Variants in U2AF2 observed in about 807,000 individuals in gnomAD.
U2AF2 encodes the protein U2 small nuclear RNA auxiliary factor 2, also known as splicing factor U2AF 65 kDa subunit.
U2AF2 carries 6 observed loss-of-function variants against 52.6 expected under a neutral mutation model. The observed-to-expected ratio is 0.11, with a 90% CI of 0.06 to 0.23. The LOEUF (loss-of-function observed/expected upper bound fraction) is 0.23. Among genes scored for constraint, U2AF2 ranks in the 10% least tolerant of loss-of-function variants. The probability of loss-of-function intolerance (pLI) is 1.00; values close to 1 mark genes in which losing one functional copy is unlikely to be tolerated. For missense variants in U2AF2, 222 were observed against 677.1 expected, an observed-to-expected ratio of 0.33 and a Z score of 7.46; for synonymous variants, 284 against 258.2, an observed-to-expected ratio of 1.10 and a Z score of -0.96.
intron 2 of U2AF2, among the ~76,000 whole-genome samples, chr19:55,659,901 T>G (rs1423231740): frequency 1.3e-5 from 2 of 152,158 alleles, no homozygotes; most frequent in African/African-American, 2.4e-5. Flanking sequence ...AAGGGCAGGA[T>G]AGGCGGAAGT....
At chr19:55,672,347 T>C (rs1984975211) in intron 11 of U2AF2, among the ~76,000 whole-genome samples, 1 of 152,202 alleles carries the variant, frequency 6.6e-6, no homozygotes, top group African/African-American at 2.4e-5. Flanking sequence ...CCCTCCTTTT[T>C]CTTTGCTGGA....
At chr19:55,673,829 C>T (rs541729855) in intron 11 of U2AF2, 105 bp from the exon 12 acceptor site, 3 of 1,480,888 alleles carry the variant, frequency 2.0e-6, no homozygotes, top group African/African-American at 1.4e-5. Context: ...TGGCGAAGCC[C>T]CCTCCTCCCT....
intron 11 of U2AF2, among the ~76,000 whole-genome samples, 187 bp downstream of exon 11, chr19:55,669,879 C>T (rs918363889): frequency 6.6e-6 from 1 of 152,160 alleles, no homozygotes; most frequent in African/African-American, 2.4e-5. Context: ...GCCCTCAGGC[C>T]GGGCCATGGG....
chr19:55,659,367 C>G, intron 2 of U2AF2, 22 bp downstream of exon 2: 1 of 1,462,604 alleles, frequency 6.8e-7, no homozygotes, highest in Non-Finnish European at 9.1e-7. Context: ...CAGGGATCCC[C>G]TGGGCCAGCC....
At chr19:55,661,582 C>T (rs1047609769) in intron 5 of U2AF2, among the ~76,000 whole-genome samples, 5 of 151,564 alleles carry the variant, frequency 3.3e-5, no homozygotes, top group South Asian at 2.1e-4. Flanking sequence ...ACACGCCTCT[C>T]GTTCTCTGCC....
intron 1 of U2AF2, among the ~76,000 whole-genome samples, chr19:55,656,332 C>T (rs1983793296): frequency 6.6e-6 from 1 of 152,154 alleles, no homozygotes; most frequent in Non-Finnish European, 1.5e-5. Flanking sequence ...TGGGTAGGGG[C>T]TGTATTAGGA....
At chr19:55,660,131 G>A in intron 2 of U2AF2, 46 bp from the exon 3 acceptor site, 1 of 1,577,424 alleles carries the variant, frequency 6.3e-7, no homozygotes, top group Non-Finnish European at 8.7e-7. Context: ...GGGAAGACGA[G>A]GGTCCCCAGT....
intron 6 of U2AF2, 152 bp from the exon 7 acceptor site, chr19:55,663,454 T>G: frequency 8.6e-7 from 1 of 1,162,964 alleles, no homozygotes; most frequent in Non-Finnish European, 1.2e-6. Flanking sequence ...GGGACATGCG[T>G]GTCTGTTGTA....
intron 9 of U2AF2, 63 bp from the exon 10 acceptor site, chr19:55,669,020 G>C (rs961300822): frequency 1.3e-6 from 2 of 1,570,292 alleles, no homozygotes; most frequent in South Asian, 1.1e-5. Flanking sequence ...GGTAGGTGTC[G>C]GGCTCCTGGT....
chr19:55,673,793 T>C, intron 11 of U2AF2, 141 bp from the exon 12 acceptor site: 1 of 1,195,738 alleles, frequency 8.4e-7, no homozygotes, highest in Non-Finnish European at 1.2e-6. Flanking sequence ...CAAACCTGCT[T>C]ACTAAGGGTC....
chr19:55,668,268 T>C lies in U2AF2; in HGVS notation c.743-239T>C, dbSNP rs1468968794. Reference sequence around the variant, plus strand: ...AGGATGTTCTAGTTTGAGGTTCCCCTGAGGCTGGGCAGATTTGGGAGACAT... The same window carrying C: ...AGGATGTTCTAGTTTGAGGTTCCCCCGAGGCTGGGCAGATTTGGGAGACAT... On this transcript the variant is annotated intron_variant, in intron 7 of 11. Coordinates refer to ENST00000308924, the MANE Select transcript of U2AF2 (RefSeq NM_007279.3). This position sits in a 1 kb window ranked among gnomAD's most constrained non-coding sequence, Gnocchi z 5.5. Among the ~76,000 whole-genome samples, 1 of 152,118 alleles carries C rather than the reference T, an allele frequency of 6.6e-6. No homozygotes were observed. The highest frequency in any genetic ancestry group is 1.5e-5 in the Non-Finnish European group (1 of 68,004).
chr19:55,663,467 C>T (rs1984348666), intron 6 of U2AF2, 139 bp from the exon 7 acceptor site: 2 of 1,340,250 alleles, frequency 1.5e-6, no homozygotes, highest in African/African-American at 1.5e-5. Context: ...CTGTTGTACT[C>T]CCAGTGCCCA....
chr19:55,670,521 C>T, intron 11 of U2AF2: 1 of 355,572 alleles, frequency 2.8e-6, no homozygotes, highest in Non-Finnish European at 5.7e-6. Flanking sequence ...CTGTCCCGTG[C>T]ACCCTGCTGT....
chr19:55,670,634 A>G (rs970644361), intron 11 of U2AF2: 2 of 238,326 alleles, frequency 8.4e-6, no homozygotes, highest in Non-Finnish European at 1.7e-5. Context: ...AGGGTGGTCA[A>G]GGTCAAGAGG....
rs918321964 is a variant in U2AF2 at position 55,669,777 on chromosome 19, C to T, written c.1293+85C>T. On this transcript the variant is annotated intron_variant, in intron 11 of 11. Coordinates refer to ENST00000308924, the MANE Select transcript of U2AF2 (RefSeq NM_007279.3). ...TCTTTCTTCCTCTCTTGCTCCCTCA[C>T]CCTCTCCCCCTCCTCTTCTCCGCGC... 5.5e-6 allele frequency: 8 copies of T among 1,463,600 alleles called. No homozygotes were observed. The East Asian group carries it at 9.9e-5, about 18-fold the overall frequency. The allele number at this position is 1,463,600 out of a possible 1,614,324, so 90.7% of individuals were successfully genotyped here. A position where few individuals can be genotyped will look rare whatever the true frequency, so the allele number is the denominator to read the frequency against.
chr19:55,669,142 G>A lies in U2AF2; in HGVS notation c.1005G>A (p.Ala335=), dbSNP rs140204963. 221 of 1,613,998 alleles carry A rather than the reference G, an allele frequency of 1.4e-4. No homozygotes were observed. In the African/African-American group the frequency reaches 2.5e-3, roughly 18 times the overall value. ...LGDKKLLVQR[A]SVGAKNATLV... ...ATAAGAAGCTGCTGGTCCAGAGGGC[G>A]AGTGTGGGAGCCAAGAATGCCACGC... Residue 335 remains alanine, a synonymous_variant, in exon 10 of 12, where the codon GCG becomes GCA. Transcript: ENST00000308924.
At chr19:55,657,856 C>T (rs980513703) in intron 1 of U2AF2, among the ~76,000 whole-genome samples, 3 of 152,166 alleles carry the variant, frequency 2.0e-5, no homozygotes, top group Non-Finnish European at 2.9e-5. Flanking sequence ...TGTGATCTCT[C>T]TATACCTTAG....
intron 7 of U2AF2, 175 bp downstream of exon 7, chr19:55,663,919 A>C: frequency 1.1e-6 from 1 of 926,510 alleles, no homozygotes; most frequent in Admixed American, 2.9e-5. Flanking sequence ...CTGCTGGTAG[A>C]GAAGGTGCCT....
At chr19:55,661,826 C>T (rs1021167850) in intron 5 of U2AF2, 1 of 152,280 alleles carries the variant, frequency 6.6e-6, no homozygotes, top group Non-Finnish European at 1.5e-5. Context: ...CTACCATCGT[C>T]GAAGGCAAGT....
Sources: allele counts gnomAD v4.1 joint callset (sites outside exome capture counted in the v4.1 genomes callset), GRCh38; gene constraint gnomAD v4.1.1; non-coding constraint Gnocchi (gnomAD v3.1); transcripts MANE v1.5; gene names NCBI Gene and HGNC (gene_info 2026-07-23, HGNC 2026-07-21).